Variants in NRP1 observed in about 807,000 individuals in gnomAD.
The protein encoded by NRP1 is neuropilin 1.
Under a neutral mutation model 106.7 loss-of-function variants are expected in NRP1, and 35 were observed. That is an observed-to-expected ratio of 0.33 (90% CI 0.25 to 0.43). The LOEUF is 0.43. NRP1 is among the 20% of genes least tolerant of loss of function. NRP1 has a pLI of 1.00. For missense variants in NRP1, 1,024 were observed against 1,170.4 expected (o/e 0.87, Z 1.83); for synonymous variants, 437 against 417.9 (o/e 1.05, Z -0.56).
In NRP1 at chr10:33,333,552, A is replaced by G. The variant is rs61758239; in HGVS notation, c.73+758T>C. Among the ~76,000 whole-genome samples the G allele has an allele frequency of 5.0e-3, 769 of 152,292 alleles. 7 individuals are homozygous for G. Among genetic ancestry groups the G allele is most frequent in the African/African-American group, 0.018 (744 of 41,548 alleles). On this transcript the variant is annotated intron_variant, in intron 1 of 16. Transcript: ENST00000374867. ...CGACTTACTGTAAAGATAATTGCAT[A>G]CCCTTGCCTGCACTTACTTTACAGT... is the stretch of plus-strand genomic sequence containing the variant.
intron 3 of NRP1, among the ~76,000 whole-genome samples, chr10:33,269,716 C>T (rs1035153262): frequency 2.0e-5 from 3 of 152,148 alleles, no homozygotes; most frequent in African/African-American, 7.2e-5. Context: ...GCACTACCAC[C>T]TGAACTCCTC....
chr10:33,323,446 T>C (rs1421371460), intron 2 of NRP1, among the ~76,000 whole-genome samples: 2 of 152,024 alleles, frequency 1.3e-5, no homozygotes, highest in Non-Finnish European at 2.9e-5. Context: ...AAATATTCTG[T>C]TTGTTTTTTT....
At chr10:33,308,451 A>C (rs1297802746) in intron 2 of NRP1, among the ~76,000 whole-genome samples, 1 of 151,516 alleles carries the variant, frequency 6.6e-6, no homozygotes, top group Non-Finnish European at 1.5e-5. Context: ...TTTCAAGAGA[A>C]AATGGTAGGA....
chr10:33,184,064 T>C (rs1835855068), intron 15 of NRP1, among the ~76,000 whole-genome samples: 1 of 152,024 alleles, frequency 6.6e-6, no homozygotes, highest in Non-Finnish European at 1.5e-5. Context: ...TAGGCTGGAG[T>C]GCAATGGTAT....
chr10:33,319,295 C>G (rs1032684431), intron 2 of NRP1, among the ~76,000 whole-genome samples: 29 of 151,880 alleles, frequency 1.9e-4, no homozygotes, highest in Non-Finnish European at 3.5e-4. Flanking sequence ...TGTGAGTCAC[C>G]GCGCCCAGAG....
intron 6 of NRP1, among the ~76,000 whole-genome samples, chr10:33,238,983 GGA>G (rs757219855): frequency 2.0e-5 from 3 of 151,634 alleles, no homozygotes; most frequent in Non-Finnish European, 4.4e-5. Flanking sequence ...TTCCTTTGAA[GGA>G]GAGAGAGAGT....
At chr10:33,305,406 G>T (rs1357359234) in intron 2 of NRP1, among the ~76,000 whole-genome samples, 1 of 152,124 alleles carries the variant, frequency 6.6e-6, no homozygotes, top group Non-Finnish European at 1.5e-5. Flanking sequence ...ACCCCTGAAG[G>T]TCTAGCTGCA....
intron 11 of NRP1, among the ~76,000 whole-genome samples, chr10:33,198,073 CTTT>C (rs78668305): frequency 1.6e-5 from 2 of 125,906 alleles, no homozygotes; most frequent in Non-Finnish European, 3.4e-5. Flanking sequence ...CTATTTTAGG[CTTT>C]TTTTTTTTTT....
Position 33,179,637 on chromosome 10 carries a change from T to G in NRP1, c.*439A>C, listed in dbSNP as rs1290555477. 1 of 168,982 alleles carries G rather than the reference T, an allele frequency of 5.9e-6. No homozygotes were observed. The highest frequency in any genetic ancestry group is 1.3e-5 in the Non-Finnish European group (1 of 77,980). The allele number at this position is 168,982 out of a possible 1,614,324, so 10.5% of individuals were successfully genotyped here. A position where few individuals can be genotyped will look rare whatever the true frequency, so the allele number is the denominator to read the frequency against. On this transcript the variant is annotated 3_prime_UTR_variant, in exon 17 of 17. Coordinates refer to ENST00000374867, the MANE Select transcript of NRP1 (RefSeq NM_003873.7). ...GTACAACTTCAGGAGTCCACTGAAA[T>G]GCGGTGATTCTAGTATATTCTGGGC...
intron 2 of NRP1, among the ~76,000 whole-genome samples, chr10:33,323,078 G>C (rs1025605642): frequency 3.3e-5 from 5 of 152,140 alleles, no homozygotes; most frequent in Admixed American, 3.3e-4. Flanking sequence ...AACAGCAAGA[G>C]CCCGGCATAG....
chr10:33,265,087 G>A (rs1371847152), intron 3 of NRP1, among the ~76,000 whole-genome samples: 1 of 152,046 alleles, frequency 6.6e-6, no homozygotes, highest in Admixed American at 6.6e-5. Flanking sequence ...TCCAGCCTGG[G>A]TGACAGAGCC....
chr10:33,182,766 A>G lies in NRP1; in HGVS notation c.2432-18T>C. On this transcript the variant is annotated intron_variant, in intron 15 of 16. Transcript: ENST00000374867. ...TGCTGGTTCTGACAAGTCAAACAAAATTGAAAGAGATATTTGAACTGCCAT... is the reference window on the plus strand; with the variant it reads ...TGCTGGTTCTGACAAGTCAAACAAAGTTGAAAGAGATATTTGAACTGCCAT... 3.7e-6 allele frequency: 6 copies of G among 1,602,736 alleles called. No homozygotes were observed. The highest frequency in any genetic ancestry group is 5.1e-6 in the Non-Finnish European group (6 of 1,170,750).
intron 2 of NRP1, among the ~76,000 whole-genome samples, chr10:33,297,463 A>G (rs550063952): frequency 1.3e-5 from 2 of 152,248 alleles, no homozygotes; most frequent in African/African-American, 4.8e-5. Flanking sequence ...AGGTGGGTGG[A>G]TCACCTGAAG....
chr10:33,186,636 G>A lies in NRP1; in HGVS notation c.2063-148C>T, dbSNP rs771696723. On this transcript the variant is annotated intron_variant, in intron 13 of 16. Coordinates refer to ENST00000374867, the MANE Select transcript of NRP1 (RefSeq NM_003873.7). ...TGGAAAGGGATAAGTGTGCACACTT[G>A]GGGACCTCATGGGCACCTAAGGCCC... is the stretch of plus-strand genomic sequence containing the variant. The A allele has an allele frequency of 4.4e-6, 4 of 910,196 alleles. No individual in the cohort carries two copies. In the African/African-American group the frequency reaches 5.0e-5, roughly 11 times the overall value. The allele number at this position is 910,196 out of a possible 1,614,324, so 56.4% of individuals were successfully genotyped here.
In NRP1 at chr10:33,277,401, C is replaced by T. The variant is rs183023693; in HGVS notation, c.249-6545G>A. ...CAAGGTTGGCTCCTGGAGGGGGCTGCACGGTAGCTCTAATTTTGTTTCCTT... is the reference window on the plus strand; with the variant it reads ...CAAGGTTGGCTCCTGGAGGGGGCTGTACGGTAGCTCTAATTTTGTTTCCTT... On this transcript the variant is annotated intron_variant, in intron 2 of 16. Transcript: ENST00000374867. 5.0e-3 allele frequency among the ~76,000 whole-genome samples: 762 copies of T among 152,320 alleles called. 10 individuals are homozygous for T. The highest frequency in any genetic ancestry group is 0.017 in the African/African-American group (717 of 41,568).
intron 2 of NRP1, among the ~76,000 whole-genome samples, chr10:33,276,241 T>G (rs1260551049): frequency 6.6e-6 from 1 of 152,266 alleles, no homozygotes; most frequent in African/African-American, 2.4e-5. Context: ...AATACCTGTT[T>G]GCCTTATTTT....
intron 6 of NRP1, among the ~76,000 whole-genome samples, chr10:33,234,698 A>G (rs796912452): frequency 3.9e-5 from 6 of 152,336 alleles, no homozygotes; most frequent in African/African-American, 1.4e-4. Flanking sequence ...AAGGCAGGAA[A>G]AATCTCACGA....
In NRP1 at chr10:33,197,633, C is replaced by A. The variant is rs1382153410; in HGVS notation, c.1924+17G>T. 1.3e-6 allele frequency: 2 copies of A among 1,586,698 alleles called. No individual in the cohort carries two copies. Among genetic ancestry groups the A allele is most frequent in the African/African-American group, 1.3e-5 (1 of 74,188 alleles). On this transcript the variant is annotated intron_variant, in intron 12 of 16. Transcript: ENST00000374867. ...GAGGTACATGGAATCTGTCACATTT[C>A]GTATTTTATTTGATACCTGATTGTA... is the stretch of plus-strand genomic sequence containing the variant.
intron 2 of NRP1, among the ~76,000 whole-genome samples, chr10:33,298,362 G>C (rs1242737960): frequency 6.6e-6 from 1 of 152,100 alleles, no homozygotes; most frequent in East Asian, 1.9e-4. Context: ...CTCCTGTTCT[G>C]GCGCTGGGCT....
Sources: gnomAD v4.1 joint callset for allele counts (sites outside exome capture counted in the v4.1 genomes callset) on GRCh38, gnomAD v4.1.1 for gene constraint, MANE v1.5 for transcripts, NCBI Gene and HGNC (gene_info 2026-07-23, HGNC 2026-07-21) for gene names.